The following SNTG1 variants were observed in gnomAD, a reference collection of about 807,000 sequenced individuals.
SNTG1 encodes syntrophin gamma 1.
A neutral mutation model predicts 74.7 loss-of-function variants in SNTG1; 39 were observed. That is an observed-to-expected ratio of 0.52 (90% CI 0.40 to 0.68). SNTG1 has a LOEUF of 0.68. SNTG1 is among the 30% of genes least tolerant of loss of function. The pLI, the probability that SNTG1 is intolerant of heterozygous loss-of-function variation, is 0.00. For synonymous variants in SNTG1, 254 were observed against 217.1 expected (o/e 1.17, Z -1.49); for missense variants, 685 against 609.5 (o/e 1.12, Z -1.30).
chr8:50,118,947 A>G (rs2080912631), intron 1 of SNTG1, among the ~76,000 whole-genome samples: 1 of 140,534 alleles, frequency 7.1e-6, no homozygotes, highest in African/African-American at 2.6e-5. Flanking sequence ...TGCTTGAGTG[A>G]TGAAATTCTA....
chr8:50,296,379 A>G (rs1226888853), intron 2 of SNTG1, among the ~76,000 whole-genome samples: 2 of 152,214 alleles, frequency 1.3e-5, no homozygotes, highest in Non-Finnish European at 1.5e-5. Context: ...CCCATTAATG[A>G]TAGACTGTAT....
intron 9 of SNTG1, among the ~76,000 whole-genome samples, chr8:50,528,459 G>A (rs1021744323): frequency 6.6e-6 from 1 of 151,882 alleles, no homozygotes; most frequent in African/African-American, 2.4e-5. Flanking sequence ...TGTTTAAAAT[G>A]GATTTTGAAT....
chr8:50,321,864 A>G (rs1384001360), intron 2 of SNTG1, among the ~76,000 whole-genome samples: 1 of 152,006 alleles, frequency 6.6e-6, no homozygotes, highest in Non-Finnish European at 1.5e-5. Flanking sequence ...TGTTGTTTCT[A>G]TTTACATCTT....
chr8:50,399,261 T>C (rs1436794012), intron 3 of SNTG1, among the ~76,000 whole-genome samples: 1 of 152,076 alleles, frequency 6.6e-6, no homozygotes, highest in Non-Finnish European at 1.5e-5. Flanking sequence ...AAAATCCTTC[T>C]CATTCTTTAT....
chr8:50,647,895 T>TC (rs2095120442), intron 13 of SNTG1, among the ~76,000 whole-genome samples: 1 of 152,076 alleles, frequency 6.6e-6, no homozygotes, highest in African/African-American at 2.4e-5. Flanking sequence ...TTTTTACATT[T>TC]TTTTTTTAGA....
intron 1 of SNTG1, among the ~76,000 whole-genome samples, chr8:50,073,614 A>C (rs1336905616): frequency 6.6e-6 from 1 of 152,116 alleles, no homozygotes; most frequent in African/African-American, 2.4e-5. Flanking sequence ...CAGAAGAATC[A>C]CTATAGCCTT....
At chr8:49,935,948 C>T (rs755140005) in intron 1 of SNTG1, among the ~76,000 whole-genome samples, 1 of 152,160 alleles carries the variant, frequency 6.6e-6, no homozygotes, top group Admixed American at 6.5e-5. Flanking sequence ...TTCCCTCTGA[C>T]ATGGATAGCA....
chr8:50,685,792 G>A (rs1184142103), intron 15 of SNTG1, among the ~76,000 whole-genome samples: 2 of 152,168 alleles, frequency 1.3e-5, no homozygotes, highest in East Asian at 3.9e-4. Context: ...GAGAATGGAG[G>A]AAGAGTCAGA....
chr8:50,762,962 G>A (rs2095603241), intron 18 of SNTG1, among the ~76,000 whole-genome samples: 1 of 151,896 alleles, frequency 6.6e-6, no homozygotes, highest in Admixed American at 6.6e-5. Flanking sequence ...GATCCTGGAA[G>A]TAAAAATTAC....
chr8:50,596,057 T>A (rs1472964702), intron 13 of SNTG1, among the ~76,000 whole-genome samples: 1 of 152,010 alleles, frequency 6.6e-6, no homozygotes. Flanking sequence ...AGAACTGTTT[T>A]CCGAAGGGTT....
chr8:50,358,683 A>T (rs2091882386), intron 2 of SNTG1, among the ~76,000 whole-genome samples: 1 of 152,124 alleles, frequency 6.6e-6, no homozygotes, highest in Non-Finnish European at 1.5e-5. Flanking sequence ...TGAAAGTATT[A>T]AAAAAATTTA....
At chr8:49,984,818 C>T (rs184928312) in intron 1 of SNTG1, among the ~76,000 whole-genome samples, 5 of 152,008 alleles carry the variant, frequency 3.3e-5, no homozygotes, top group Non-Finnish European at 7.4e-5. Flanking sequence ...GTTGCCCATT[C>T]CCCAATAATA....
chr8:50,647,319 G>T (rs2095115511), intron 13 of SNTG1, among the ~76,000 whole-genome samples: 1 of 152,024 alleles, frequency 6.6e-6, no homozygotes, highest in Admixed American at 6.6e-5. Flanking sequence ...CATCTGATGA[G>T]GAACTGTTCC....
At chr8:50,098,098 T>C (rs1426222498) in intron 1 of SNTG1, among the ~76,000 whole-genome samples, 1 of 152,206 alleles carries the variant, frequency 6.6e-6, no homozygotes, top group Non-Finnish European at 1.5e-5. Context: ...AATTAAAACA[T>C]AGCTCAACTC....
chr8:50,030,905 T>C (rs1395673567), intron 1 of SNTG1, among the ~76,000 whole-genome samples: 1 of 151,966 alleles, frequency 6.6e-6, no homozygotes, highest in Non-Finnish European at 1.5e-5. Context: ...AGAATTATGT[T>C]AAACCTGTAT....
At chr8:50,530,760 G>A (rs913598706) in intron 10 of SNTG1, among the ~76,000 whole-genome samples, 1 of 152,098 alleles carries the variant, frequency 6.6e-6, no homozygotes, top group Non-Finnish European at 1.5e-5. Flanking sequence ...TTTAGTAGAA[G>A]TTAAAATTAA....
intron 17 of SNTG1, among the ~76,000 whole-genome samples, chr8:50,740,279 A>C (rs1427586369): frequency 6.6e-6 from 1 of 152,050 alleles, no homozygotes; most frequent in Non-Finnish European, 1.5e-5. Flanking sequence ...TTACAAGAAA[A>C]AAAAAACAGC....
chr8:49,971,259 C>A (rs1811643872), intron 1 of SNTG1, among the ~76,000 whole-genome samples: 1 of 152,100 alleles, frequency 6.6e-6, no homozygotes, highest in Non-Finnish European at 1.5e-5. Context: ...AGAACCAAGA[C>A]AAAAACCACA....
At chr8:50,436,436 G>A (rs1361105472) in intron 4 of SNTG1, among the ~76,000 whole-genome samples, 2 of 151,744 alleles carry the variant, frequency 1.3e-5, no homozygotes, top group Admixed American at 6.6e-5. Context: ...CCCTATATAG[G>A]ATATCAGATT....
Sources: allele counts gnomAD v4.1 joint callset (sites outside exome capture counted in the v4.1 genomes callset), GRCh38; gene constraint gnomAD v4.1.1; transcripts MANE v1.5; gene names NCBI Gene and HGNC (gene_info 2026-07-23, HGNC 2026-07-21).